IRS1: variants seen among roughly 807,000 people sequenced by gnomAD.
The protein encoded by IRS1 is insulin receptor substrate 1.
In IRS1, 34 loss-of-function variants were observed where a neutral mutation model predicts 65.6. The ratio of observed to expected loss-of-function variants is 0.52; its 90% confidence interval spans 0.39 to 0.69. IRS1 has a LOEUF of 0.69. Among genes scored for constraint, IRS1 ranks in the 30% least tolerant of loss-of-function variants. IRS1 has a pLI of 0.00. For missense variants in IRS1, 1,641 were observed against 1,720.2 expected, an observed-to-expected ratio of 0.95 and a Z score of 0.81; for synonymous variants, 699 against 683.5, an observed-to-expected ratio of 1.02 and a Z score of -0.35.
chr2:226,789,255 G>A (rs1467007132), intron 1 of IRS1, among the ~76,000 whole-genome samples: 1 of 152,216 alleles, frequency 6.6e-6, no homozygotes, highest in Non-Finnish European at 1.5e-5. Flanking sequence ...AGTTTCTTAA[G>A]AGGCAACAGA....
rs183510900 is a variant in IRS1 at position 226,761,400 on chromosome 2, T to C, written c.*22-25150A>G. Among the ~76,000 whole-genome samples the C allele has an allele frequency of 1.9e-3, 290 of 152,274 alleles. 1 individual carries two copies. Among genetic ancestry groups the C allele is most frequent in the Non-Finnish European group, 3.6e-3 (244 of 68,028 alleles). ...TGAAAACAATTCCATGGAATTGTGC[T>C]GTACACAGCCCAGGTGACTGCCGGG... On this transcript the variant is annotated intron_variant, in intron 1 of 1. Coordinates refer to ENST00000305123, the MANE Select transcript of IRS1 (RefSeq NM_005544.3).
rs561920416 is a variant in IRS1 at position 226,794,147 on chromosome 2, T to C, written c.*21+842A>G. Among the ~76,000 whole-genome samples, 1 of 152,340 alleles carries C rather than the reference T, an allele frequency of 6.6e-6. No individual in the cohort carries two copies. The highest frequency in any genetic ancestry group is 2.4e-5 in the African/African-American group (1 of 41,576). On this transcript the variant is annotated intron_variant, in intron 1 of 1. Transcript: ENST00000305123. This position sits in a 1 kb window ranked among gnomAD's most constrained non-coding sequence, Gnocchi z 4.1. Reference sequence around the variant, plus strand: ...TATAGTAGCCCCCAAATGATATCTGTAATGTCTCAGTGCAAGAAGAGATAA... The same window carrying C: ...TATAGTAGCCCCCAAATGATATCTGCAATGTCTCAGTGCAAGAAGAGATAA...
At chr2:226,765,252 T>G (rs1939009777) in intron 1 of IRS1, among the ~76,000 whole-genome samples, 1 of 152,220 alleles carries the variant, frequency 6.6e-6, no homozygotes, top group South Asian at 2.1e-4. Flanking sequence ...ATTCATATTC[T>G]TTTCTTAGAA....
intron 1 of IRS1, among the ~76,000 whole-genome samples, chr2:226,786,994 A>C: frequency 6.6e-6 from 1 of 152,158 alleles, no homozygotes; most frequent in East Asian, 1.9e-4. Context: ...AGGAAAAAAA[A>C]GAAAAAAGTC....
In IRS1 at chr2:226,734,384, A is replaced by G. The variant is rs1938287626; in HGVS notation, c.*1888T>C. The G allele has an allele frequency of 6.6e-6, 1 of 152,214 alleles. No individual in the cohort carries two copies. The highest frequency in any genetic ancestry group is 1.5e-5 in the Non-Finnish European group (1 of 68,036). The allele number at this position is 152,214 out of a possible 1,614,324, so 9.4% of individuals were successfully genotyped here. ...ATGATTAAAATCTGCAATAACGGAC[A>G]CTGCACAACAGTCTGTGAGGTACAT... On this transcript the variant is annotated 3_prime_UTR_variant, in exon 2 of 2. Coordinates refer to ENST00000305123, the MANE Select transcript of IRS1 (RefSeq NM_005544.3).
rs1014841546 is a variant in IRS1, at chr2:226,797,381, G to A, written c.1358C>T (p.Thr453Ile). The A allele has an allele frequency of 1.2e-6, 2 of 1,612,908 alleles. No homozygotes were observed. Among genetic ancestry groups the A allele is most frequent in the African/African-American group, 1.3e-5 (1 of 75,064 alleles). The change falls in exon 1 of 2, where the codon ACC (threonine) becomes ATC (isoleucine). Residue 453 changes from threonine (T) to isoleucine (I), a missense_variant. By Grantham distance (89) the Thr-to-Ile change is moderately conservative. Coordinates refer to ENST00000305123, the MANE Select transcript of IRS1 (RefSeq NM_005544.3). This position sits in a 1 kb window ranked among gnomAD's most constrained non-coding sequence, Gnocchi z 8.1. ...RSVTPDSLGH[T>I]PPARGEEELS... ...CTCCTCCTCACCGCGGGCTGGTGGGGTGTGGCCCAGGGAATCCGGAGTGAC... is the reference window on the plus strand; with the variant it reads ...CTCCTCCTCACCGCGGGCTGGTGGGATGTGGCCCAGGGAATCCGGAGTGAC...
chr2:226,750,966 AAAGG>A (rs1938666919), intron 1 of IRS1, among the ~76,000 whole-genome samples: 1 of 152,208 alleles, frequency 6.6e-6, no homozygotes, highest in Non-Finnish European at 1.5e-5. Flanking sequence ...AAAGAACCAA[AAAGG>A]AAGGAGGAAA....
At chr2:226,776,781 C>A (rs572921548) in intron 1 of IRS1, among the ~76,000 whole-genome samples, 1 of 152,238 alleles carries the variant, frequency 6.6e-6, no homozygotes, top group East Asian at 1.9e-4. Context: ...GTGGCGCACA[C>A]CCATAATCCC....
At chr2:226,779,902 A>G (rs1453316042) in intron 1 of IRS1, among the ~76,000 whole-genome samples, 2 of 152,230 alleles carry the variant, frequency 1.3e-5, no homozygotes, top group Non-Finnish European at 2.9e-5. Flanking sequence ...AGACCAAGGT[A>G]ACATCTTAGC....
In IRS1 at chr2:226,796,028, T is replaced by C. The variant is rs144228243; in HGVS notation, c.2711A>G (p.Asp904Gly). Residue 904 changes from aspartate to glycine, a missense_variant, in exon 1 of 2, where the codon GAT (aspartate) becomes GGT (glycine). Coordinates refer to ENST00000305123, the MANE Select transcript of IRS1 (RefSeq NM_005544.3). ...CGGGCCAGACAAGTAGCCAGACTGATCACTCCCAAATTCAATATTGACATA... is the reference window on the plus strand; with the variant it reads ...CGGGCCAGACAAGTAGCCAGACTGACCACTCCCAAATTCAATATTGACATA... ...GEYVNIEFGSDQSGYLSGPVA... is the reference protein window; with the variant it reads ...GEYVNIEFGSGQSGYLSGPVA... The C allele has an allele frequency of 3.5e-5, 57 of 1,614,158 alleles. No individual in the cohort carries two copies. The South Asian group carries it at 5.6e-4, about 16-fold the overall frequency.
intron 1 of IRS1, among the ~76,000 whole-genome samples, chr2:226,780,090 C>T (rs1939352115): frequency 6.6e-6 from 1 of 152,150 alleles, no homozygotes; most frequent in Non-Finnish European, 1.5e-5. Context: ...TAACTGACCT[C>T]TTTTTAAAAA....
In IRS1 at chr2:226,772,677, T is replaced by TAAA. The variant is rs58764928; in HGVS notation, c.*21+22309_*21+22311dup. The stretch of plus-strand genomic sequence containing the variant: ...CTTTCTCTTCCCCCTACATGGACAG[T>TAAA]AAAAAAAAAAAAAAAAAAATTCTAA... On this transcript the variant is annotated intron_variant, in intron 1 of 1. Transcript: ENST00000305123. 6.9e-3 allele frequency among the ~76,000 whole-genome samples: 754 copies of TAAA among 108,654 alleles called. 8 individuals carry two copies. Among genetic ancestry groups the TAAA allele is most frequent in the African/African-American group, 0.02 (642 of 31,642 alleles). The allele number at this position is 108,654 out of a possible 152,430, so 71.3% of individuals were successfully genotyped here. A position where few individuals can be genotyped will look rare whatever the true frequency, so the allele number is the denominator to read the frequency against.
chr2:226,798,673 G>C lies in IRS1; in HGVS notation c.66C>G (p.Pro22=), dbSNP rs1484943611. The C allele has an allele frequency of 1.2e-6, 2 of 1,613,240 alleles. No individual in the cohort carries two copies. Among genetic ancestry groups the C allele is most frequent in the Admixed American group, 3.3e-5 (2 of 60,026 alleles). ...DVRKVGYLRK[P]KSMHKRFFVL... ...CGAAGAAGCGTTTGTGCATGCTCTT[G>C]GGTTTGCGCAGGTAGCCCACCTTGC... The change falls in exon 1 of 2, where the codon CCC becomes CCG. Residue 22 remains proline (P), a synonymous_variant. Coordinates refer to ENST00000305123, the MANE Select transcript of IRS1 (RefSeq NM_005544.3). The surrounding 1 kb of genome is among the most constrained non-coding windows in gnomAD (Gnocchi z 9.4).
intron 1 of IRS1, among the ~76,000 whole-genome samples, chr2:226,767,640 G>T (rs1021393967): frequency 6.6e-6 from 1 of 152,228 alleles, no homozygotes; most frequent in Non-Finnish European, 1.5e-5. Context: ...AATACGCAAA[G>T]GGCCTGGTTT....
At position 226,731,841 on chromosome 2, in the gene IRS1, A is replaced by T. The variant is rs1024403737; in HGVS notation, c.*4431T>A. On this transcript the variant is annotated 3_prime_UTR_variant, in exon 2 of 2. Transcript: ENST00000305123. ...CAATGGTGAAGTTCTAAAAAGAAAAAGAAAAAAAAAACCCTACAAATGTCT... is the reference window on the plus strand; with the variant it reads ...CAATGGTGAAGTTCTAAAAAGAAAATGAAAAAAAAAACCCTACAAATGTCT... The T allele has an allele frequency of 1.3e-5, 2 of 152,082 alleles. No homozygotes were observed. The highest frequency in any genetic ancestry group is 6.6e-5 in the Admixed American group (1 of 15,254). The allele number at this position is 152,082 out of a possible 1,614,324, so 9.4% of individuals were successfully genotyped here.
In IRS1 at chr2:226,797,261, C is replaced by A. The variant is rs1481488365; in HGVS notation, c.1478G>T (p.Arg493Leu). ...GCCCAAGCCTGTTCCTGGGGTGCAG[C>A]GGTGGCCATTGCCACCCCGAGACAA... is the stretch of plus-strand genomic sequence containing the variant. Reference protein sequence around the residue: ...YILSRGGNGHRCTPGTGLGTS... With the variant: ...YILSRGGNGHLCTPGTGLGTS... Residue 493 changes from arginine to leucine, a missense_variant, in exon 1 of 2, where the codon CGC becomes CTC. Physicochemically the swap from Arg to Leu is moderately radical, Grantham distance 102. This residue lies in a region of IRS1 where 1,324 missense variants were observed against 1,361.0 expected (regional missense o/e 0.97). Coordinates refer to ENST00000305123, the MANE Select transcript of IRS1 (RefSeq NM_005544.3). This position sits in a 1 kb window ranked among gnomAD's most constrained non-coding sequence, Gnocchi z 8.1. 6.2e-7 allele frequency: 1 copy of A among 1,613,366 alleles called. No homozygotes were observed. Among genetic ancestry groups the A allele is most frequent in the African/African-American group, 1.3e-5 (1 of 74,914 alleles).
intron 1 of IRS1, among the ~76,000 whole-genome samples, chr2:226,779,490 C>T (rs1939340141): frequency 6.6e-6 from 1 of 152,200 alleles, no homozygotes; most frequent in African/African-American, 2.4e-5. Context: ...GAGAAATAGC[C>T]TAGCTCAATA....
chr2:226,783,286 T>TAA (rs1169929676), intron 1 of IRS1, among the ~76,000 whole-genome samples: 3 of 152,244 alleles, frequency 2.0e-5, no homozygotes, highest in African/African-American at 7.2e-5. Context: ...TATGTGTTTC[T>TAA]CCTTTACAAA....
At chr2:226,787,237 T>G (rs1939504277) in intron 1 of IRS1, among the ~76,000 whole-genome samples, 2 of 152,132 alleles carry the variant, frequency 1.3e-5, no homozygotes, top group Admixed American at 1.3e-4. Context: ...AAGCTTAATA[T>G]CCAAAAATGG....
Sources: gnomAD v4.1 joint callset for allele counts (sites outside exome capture counted in the v4.1 genomes callset) on GRCh38, gnomAD v4.1.1 for gene constraint, gnomAD v4.1.1 regional missense constraint, Gnocchi (gnomAD v3.1) non-coding constraint, MANE v1.5 for transcripts, NCBI Gene and HGNC (gene_info 2026-07-23, HGNC 2026-07-21) for gene names.